Variants in LRMDA observed in about 807,000 individuals in gnomAD.
The protein encoded by LRMDA is leucine-rich melanocyte differentiation-associated protein.
A neutral mutation model predicts 29.8 loss-of-function variants in LRMDA; 18 were observed. The ratio of observed to expected loss-of-function variants is 0.60; its 90% CI spans 0.42 to 0.90. LRMDA has a LOEUF of 0.90. LRMDA is among the 40% of genes least tolerant of loss of function. The pLI is 0.00. For missense variants in LRMDA, 273 were observed against 273.9 expected, an observed-to-expected ratio of 1.00 and a Z score of 0.02; for synonymous variants, 125 against 109.4, an observed-to-expected ratio of 1.14 and a Z score of -0.89.
At chr10:76,502,971 G>A (rs1842925789) in intron 6 of LRMDA, among the ~76,000 whole-genome samples, 3 of 151,900 alleles carry the variant, frequency 2.0e-5, no homozygotes, top group South Asian at 4.2e-4. Flanking sequence ...TCTTGTTACA[G>A]TTCTCCCAGG....
chr10:75,503,587 C>G (rs1305392709), intron 2 of LRMDA, among the ~76,000 whole-genome samples: 2 of 151,984 alleles, frequency 1.3e-5, no homozygotes, highest in Non-Finnish European at 2.9e-5. Context: ...ATAGAAGTTG[C>G]AATCCCTTTG....
chr10:76,468,305 GAATTT>G (rs1842584133), intron 6 of LRMDA, among the ~76,000 whole-genome samples: 1 of 152,154 alleles, frequency 6.6e-6, no homozygotes, highest in African/African-American at 2.4e-5. Flanking sequence ...ATTTCTTCAG[GAATTT>G]AATTTCCTTC....
chr10:75,672,528 C>CCTT (rs1841906036), intron 2 of LRMDA, among the ~76,000 whole-genome samples: 2 of 31,970 alleles, frequency 6.3e-5, no homozygotes, highest in African/African-American at 3.0e-4. Flanking sequence ...TTCTTTTCCT[C>CCTT]CCCTCCCCTC....
At chr10:76,127,093 C>T (rs573268408) in intron 5 of LRMDA, among the ~76,000 whole-genome samples, 3 of 152,282 alleles carry the variant, frequency 2.0e-5, no homozygotes, top group South Asian at 2.1e-4. Context: ...CCATTATGAG[C>T]GCTGACATTG....
chr10:76,018,546 T>A (rs1290727629), intron 2 of LRMDA, among the ~76,000 whole-genome samples: 1 of 151,034 alleles, frequency 6.6e-6, no homozygotes, highest in Non-Finnish European at 1.5e-5. Context: ...GTACAAGGCA[T>A]AAAGATGTCA....
chr10:75,844,503 T>A (rs1844597851), intron 2 of LRMDA, among the ~76,000 whole-genome samples: 1 of 152,230 alleles, frequency 6.6e-6, no homozygotes, highest in Admixed American at 6.5e-5. Context: ...GCAGGCTGGA[T>A]GTGTCTCTTT....
Position 76,242,493 on chromosome 10 carries a change from C to T in LRMDA, c.517-81908C>T, listed in dbSNP as rs1852294890. ...CTTCCCCACTTCTGGTGGTAGCTGG[C>T]AATCCCTGGTGTGCTATCACTTATA... On this transcript the variant is annotated intron_variant, in intron 5 of 6. Coordinates refer to ENST00000611255, the MANE Select transcript of LRMDA (RefSeq NM_001305581.2). 3.3e-5 allele frequency among the ~76,000 whole-genome samples: 5 copies of T among 152,334 alleles called. No homozygotes were observed. In the South Asian group the frequency reaches 8.3e-4, roughly 25 times the overall value.
In LRMDA at chr10:76,543,355, T is replaced by TA. The variant is rs1317524496; in HGVS notation, c.602-13854_602-13853insA. 6.6e-4 allele frequency among the ~76,000 whole-genome samples: 87 copies of TA among 131,130 alleles called. 1 individual carries two copies. The South Asian group carries it at 0.012, about 18-fold the overall frequency. 86.0% of individuals were successfully genotyped at this position (131,130 alleles called of 152,430 possible). A position where few individuals can be genotyped will look rare whatever the true frequency, so the allele number is the denominator to read the frequency against. ...GTGTGTGTGTGTGTGTGTGTGTGTG[T>TA]GTGTGTAGAGAGTGATGATAAGAAG... On this transcript the variant is annotated intron_variant, in intron 6 of 6. Transcript: ENST00000611255.
intron 2 of LRMDA, among the ~76,000 whole-genome samples, chr10:76,030,875 CCCTT>C (rs1848137470): frequency 6.6e-6 from 1 of 152,220 alleles, no homozygotes; most frequent in Non-Finnish European, 1.5e-5. Context: ...TCTCTTTTCT[CCCTT>C]CATTTTCCAC....
At chr10:75,663,004 T>C (rs1841774484) in intron 2 of LRMDA, among the ~76,000 whole-genome samples, 1 of 152,212 alleles carries the variant, frequency 6.6e-6, no homozygotes, top group African/African-American at 2.4e-5. Context: ...TTGTCTGGAC[T>C]TCAGAGCAGG....
chr10:75,537,005 T>G (rs1276598521), intron 2 of LRMDA, among the ~76,000 whole-genome samples: 1 of 152,176 alleles, frequency 6.6e-6, no homozygotes, highest in Non-Finnish European at 1.5e-5. Flanking sequence ...TGGTTGGTAA[T>G]TAGACCTAGA....
At chr10:76,252,345 A>G (rs538338005) in intron 5 of LRMDA, among the ~76,000 whole-genome samples, 16 of 152,362 alleles carry the variant, frequency 1.1e-4, no homozygotes, top group African/African-American at 3.8e-4. Flanking sequence ...ATTAGCTAAC[A>G]ACAAAGAGAT....
At chr10:75,969,025 G>A (rs1315963618) in intron 2 of LRMDA, among the ~76,000 whole-genome samples, 2 of 151,984 alleles carry the variant, frequency 1.3e-5, no homozygotes, top group Admixed American at 1.3e-4. Context: ...ATATAATAAA[G>A]CCCAGGCCTT....
intron 4 of LRMDA, among the ~76,000 whole-genome samples, chr10:76,052,269 A>T (rs1848542104): frequency 6.6e-6 from 1 of 152,062 alleles, no homozygotes; most frequent in Non-Finnish European, 1.5e-5. Context: ...ACGAAACAAA[A>T]CTCTAATGAC....
rs147478403 is a variant in LRMDA at position 75,465,732 on chromosome 10, C to G, written c.131+27238C>G. ...CTGACCACTGCTTTCATCCTTCCCC[C>G]CTTCCCCCAATCTGGCATATGGTAG... On this transcript the variant is annotated intron_variant, in intron 2 of 6. Transcript: ENST00000611255. Among the ~76,000 whole-genome samples, 539 of 152,284 alleles carry G rather than the reference C, an allele frequency of 3.5e-3. 7 individuals carry two copies. The highest frequency in any genetic ancestry group is 0.012 in the African/African-American group (514 of 41,542).
intron 4 of LRMDA, among the ~76,000 whole-genome samples, chr10:76,048,406 G>A (rs1047607224): frequency 3.3e-5 from 5 of 152,156 alleles, no homozygotes; most frequent in South Asian, 4.1e-4. Context: ...GAAAAGAAGA[G>A]CTAAGAAAAA....
intron 5 of LRMDA, among the ~76,000 whole-genome samples, chr10:76,279,785 T>C (rs1387019888): frequency 6.6e-6 from 1 of 152,152 alleles, no homozygotes; most frequent in Admixed American, 6.5e-5. Context: ...GATCTCAGAA[T>C]AAATGCTTCT....
At chr10:75,702,765 G>C (rs1448131967) in intron 2 of LRMDA, among the ~76,000 whole-genome samples, 1 of 152,220 alleles carries the variant, frequency 6.6e-6, no homozygotes, top group Non-Finnish European at 1.5e-5. Flanking sequence ...CATTTGGTTT[G>C]CAGCCTTAGG....
chr10:76,335,664 T>C (rs1322900908), intron 6 of LRMDA, among the ~76,000 whole-genome samples: 2 of 151,956 alleles, frequency 1.3e-5, no homozygotes, highest in African/African-American at 2.4e-5. Flanking sequence ...TAACTTTAAG[T>C]GGGGGGAGCT....
Sources: allele counts gnomAD v4.1 joint callset (sites outside exome capture counted in the v4.1 genomes callset), GRCh38; gene constraint gnomAD v4.1.1; transcripts MANE v1.5; gene names NCBI Gene and HGNC (gene_info 2026-07-23, HGNC 2026-07-21).